Variants in SLC35A4 observed in about 807,000 individuals in gnomAD.
SLC35A4 encodes solute carrier family 35 member A4, also known as probable UDP-sugar transporter protein SLC35A4.
In SLC35A4, 9 loss-of-function variants were observed where a neutral mutation model predicts 18.8. The observed-to-expected ratio is 0.48, with a 90% CI of 0.29 to 0.83. SLC35A4 has a LOEUF of 0.83. SLC35A4 is among the 40% of genes least tolerant of loss of function. SLC35A4 has a pLI of 0.09. For synonymous variants in SLC35A4, 189 were observed against 191.9 expected (o/e 0.98, Z 0.13); for missense variants, 404 against 415.5 (o/e 0.97, Z 0.24).
At position 140,567,494 on chromosome 5, in the gene SLC35A4, T is replaced by C. The variant is rs1755219614; in HGVS notation, c.325T>C (p.Tyr109His). The C allele has an allele frequency of 1.9e-6, 3 of 1,614,062 alleles. No homozygotes were observed. The highest frequency in any genetic ancestry group is 2.5e-6 in the Non-Finnish European group (3 of 1,180,052). ...CAACCTGGTGATCTATCTTCAGCGT[T>C]ACATGGACCCCAGCACCTACCAGGT... is the stretch of plus-strand genomic sequence containing the variant. ...NNNLVIYLQRYMDPSTYQVLS... is the reference protein window; with the variant it reads ...NNNLVIYLQRHMDPSTYQVLS... Residue 109 changes from tyrosine to histidine, a missense_variant, in exon 3 of 3, where the codon TAC (tyrosine) becomes CAC (histidine). Physicochemically the swap from Tyr to His is moderately conservative, Grantham distance 83. Transcript: ENST00000323146.
At chr5:140,566,531 C>T in intron 2 of SLC35A4, 34 bp from the exon 3 acceptor site, 1 of 414,504 alleles carries the variant, frequency 2.4e-6, no homozygotes, top group Non-Finnish European at 4.2e-6. Flanking sequence ...AGGAAGGAGC[C>T]TAGCTAAGTT....
rs1755245563 is a variant in SLC35A4, at chr5:140,568,475, G to C, written c.*331G>C. On this transcript the variant is annotated 3_prime_UTR_variant, in exon 3 of 3. Transcript: ENST00000323146. Reference sequence around the variant, plus strand: ...GTTGGGCAGCTCCCTGCTTTGTCCTGCATGAACAGAGTTGATGAAAGTGGG... The same window carrying C: ...GTTGGGCAGCTCCCTGCTTTGTCCTCCATGAACAGAGTTGATGAAAGTGGG... 2.7e-6 allele frequency: 1 copy of C among 365,798 alleles called. No homozygotes were observed. The highest frequency in any genetic ancestry group is 2.1e-5 in the African/African-American group (1 of 47,356). 22.7% of individuals were successfully genotyped at this position (365,798 alleles called of 1,614,324 possible).
rs1755203221 is a variant in SLC35A4, at chr5:140,567,019, C to A, written c.-151C>A. 1 of 1,223,148 alleles carries A rather than the reference C, an allele frequency of 8.2e-7. No individual in the cohort carries two copies. The allele number at this position is 1,223,148 out of a possible 1,614,324, so 75.8% of individuals were successfully genotyped here. A position where few individuals can be genotyped will look rare whatever the true frequency, so the allele number is the denominator to read the frequency against. ...CAGCCCCTTACTCTTCAAGCCCTGA[C>A]TGTGGAGTTGGTAGATGCCTCTGAT... is the stretch of plus-strand genomic sequence containing the variant. On this transcript the variant is annotated 5_prime_UTR_variant, in exon 3 of 3. It adds an upstream start codon to the 5' untranslated region. Transcript: ENST00000323146.
Position 140,569,029 on chromosome 5 carries a change from C to G in SLC35A4, c.*885C>G, listed in dbSNP as rs1326311643. On this transcript the variant is annotated 3_prime_UTR_variant, in exon 3 of 3. Transcript: ENST00000323146. ...GAAACCTGTAGCTCAATCAGTGTCTCTTTAACTGCATAAGCAATAAGATCT... is the reference window on the plus strand; with the variant it reads ...GAAACCTGTAGCTCAATCAGTGTCTGTTTAACTGCATAAGCAATAAGATCT... The G allele has an allele frequency of 2.4e-5, 4 of 167,102 alleles. No homozygotes were observed. Among genetic ancestry groups the G allele is most frequent in the African/African-American group, 4.8e-5 (2 of 41,454 alleles). The allele number at this position is 167,102 out of a possible 1,614,324, so 10.4% of individuals were successfully genotyped here. A position where few individuals can be genotyped will look rare whatever the true frequency, so the allele number is the denominator to read the frequency against.
At chr5:140,565,728 C>G (rs1420564240) in intron 1 of SLC35A4, 145 bp from the exon 2 acceptor site, 1 of 393,254 alleles carries the variant, frequency 2.5e-6, no homozygotes, top group Admixed American at 4.4e-5. Flanking sequence ...GCTTGTCTTT[C>G]TTTGCCACTG....
chr5:140,566,807 G>A lies in SLC35A4; in HGVS notation c.-363G>A, dbSNP rs144815922. The A allele has an allele frequency of 6.7e-4, 406 of 602,186 alleles. 1 individual carries two copies. The African/African-American group carries it at 7.1e-3, about 11-fold the overall frequency. 37.3% of individuals were successfully genotyped at this position (602,186 alleles called of 1,614,324 possible). ...GGCAGGATGAGCAGCTCAGCCTTCA[G>A]GTGGAGACACTTTATCTGGATTCCC... On this transcript the variant is annotated 5_prime_UTR_variant, in exon 3 of 3. Coordinates refer to ENST00000323146, the MANE Select transcript of SLC35A4 (RefSeq NM_080670.4).
Position 140,567,211 on chromosome 5 carries a change from C to G in SLC35A4, c.42C>G (p.Pro14=). The G allele has an allele frequency of 6.2e-7, 1 of 1,614,170 alleles. No individual in the cohort carries two copies. ...EDGGMPGLGR[P]RQARWTLMLL... is the part of the protein sequence containing the mutation. ...GGGGTATGCCAGGCCTGGGCCGTCCCAGGCAGGCCCGCTGGACCCTGATGC... is the reference window on the plus strand; with the variant it reads ...GGGGTATGCCAGGCCTGGGCCGTCCGAGGCAGGCCCGCTGGACCCTGATGC... Residue 14 remains proline, a synonymous_variant, in exon 3 of 3, where the codon CCC becomes CCG. Coordinates refer to ENST00000323146, the MANE Select transcript of SLC35A4 (RefSeq NM_080670.4).
At position 140,567,602 on chromosome 5, in the gene SLC35A4, G is replaced by A; in HGVS notation, c.433G>A (p.Ala145Thr). The change falls in exon 3 of 3, where the codon GCG becomes ACG. Residue 145 changes from alanine (A) to threonine (T), a missense_variant. By Grantham distance (58) the Ala-to-Thr change is moderately conservative. Transcript: ENST00000323146. ...RHRLSVRQGL[A>T]LLLLMAAGAC... is the part of the protein sequence containing the mutation. Reference sequence around the variant, plus strand: ...CCGCCTCTCTGTGCGTCAGGGGTTAGCGCTGCTGCTGCTGATGGCTGCGGG... The same window carrying A: ...CCGCCTCTCTGTGCGTCAGGGGTTAACGCTGCTGCTGCTGATGGCTGCGGG... 1.2e-6 allele frequency: 2 copies of A among 1,614,256 alleles called. No homozygotes were observed. Among genetic ancestry groups the A allele is most frequent in the Non-Finnish European group, 1.7e-6 (2 of 1,180,044 alleles).
chr5:140,565,724 C>G (rs415854), intron 1 of SLC35A4, 149 bp from the exon 2 acceptor site: 1 of 392,386 alleles, frequency 2.5e-6, no homozygotes, highest in East Asian at 3.6e-5. Flanking sequence ...CAATGCTTGT[C>G]TTTCTTTGCC....
At position 140,567,339 on chromosome 5, in the gene SLC35A4, C is replaced by T. The variant is rs537085362; in HGVS notation, c.170C>T (p.Thr57Ile). Reference sequence around the variant, plus strand: ...CGGCCCTCCTCAGCCGTGCTGCTGACTGAGCTGACCAAGCTACTGTTATGC... The same window carrying T: ...CGGCCCTCCTCAGCCGTGCTGCTGATTGAGCTGACCAAGCTACTGTTATGC... ...PFRPSSAVLL[T>I]ELTKLLLCAF... The change falls in exon 3 of 3, where the codon ACT becomes ATT. Residue 57 changes from threonine (T) to isoleucine (I), a missense_variant. Transcript: ENST00000323146. 31 of 1,614,198 alleles carry T rather than the reference C, an allele frequency of 1.9e-5. No individual in the cohort carries two copies. In the East Asian group the frequency reaches 6.5e-4, roughly 34 times the overall value.
At chr5:140,565,142 C>A (rs554225259) in intron 1 of SLC35A4, 84 of 374,982 alleles carry the variant, frequency 2.2e-4, no homozygotes, top group African/African-American at 1.7e-3. Context: ...CCTCACTTTA[C>A]CCCATTCCCT....
rs896028057 is a variant in SLC35A4 at position 140,567,636 on chromosome 5, A to C, written c.467A>C (p.Tyr156Ser). ...CTGCTGATGGCTGCGGGAGCCTGCT[A>C]TGCAGCAGGGGGCCTTCAAGTTCCC... ...LLLLMAAGACYAAGGLQVPGN... is the reference protein window; with the variant it reads ...LLLLMAAGACSAAGGLQVPGN... Residue 156 changes from tyrosine (Y) to serine (S), a missense_variant, in exon 3 of 3, where the codon TAT becomes TCT. By Grantham distance (144) the Tyr-to-Ser change is moderately radical. Coordinates refer to ENST00000323146, the MANE Select transcript of SLC35A4 (RefSeq NM_080670.4). The C allele has an allele frequency of 2.5e-6, 4 of 1,614,028 alleles. No individual in the cohort carries two copies. Among genetic ancestry groups the C allele is most frequent in the Admixed American group, 1.7e-5 (1 of 60,006 alleles).
chr5:140,567,078 TCTC>T lies in SLC35A4; in HGVS notation c.-89_-87del, dbSNP rs919796699. 1.3e-6 allele frequency: 2 copies of T among 1,584,020 alleles called. No homozygotes were observed. The highest frequency in any genetic ancestry group is 2.7e-5 in the African/African-American group (2 of 74,560). On this transcript the variant is annotated 5_prime_UTR_variant, in exon 3 of 3. Transcript: ENST00000323146. ...TTCTCTCTGGCAATGTTCCACGGCT[TCTC>T]CTTCCTGGGAGCTGGCTCCATAACT...
At chr5:140,565,701 AT>A (rs1755169718) in intron 1 of SLC35A4, 171 bp from the exon 2 acceptor site, 1 of 385,926 alleles carries the variant, frequency 2.6e-6, no homozygotes, top group Non-Finnish European at 4.6e-6. Flanking sequence ...CCTCATTTGA[AT>A]TCTGTGCTTT....
Position 140,567,343 on chromosome 5 carries a change from G to C in SLC35A4, c.174G>C (p.Glu58Asp). ...FRPSSAVLLT[E>D]LTKLLLCAFS... ...CCTCCTCAGCCGTGCTGCTGACTGAGCTGACCAAGCTACTGTTATGCGCCT... is the reference window on the plus strand; with the variant it reads ...CCTCCTCAGCCGTGCTGCTGACTGACCTGACCAAGCTACTGTTATGCGCCT... Residue 58 changes from glutamate to aspartate, a missense_variant, in exon 3 of 3, where the codon GAG becomes GAC. Glu to Asp is a conservative substitution (Grantham distance 45). Transcript: ENST00000323146. 6.2e-7 allele frequency: 1 copy of C among 1,614,164 alleles called. No homozygotes were observed. Among genetic ancestry groups the C allele is most frequent in the Non-Finnish European group, 8.5e-7 (1 of 1,179,996 alleles).
rs903376259 is a variant in SLC35A4 at position 140,567,229 on chromosome 5, C to T, written c.60C>T (p.Thr20=). 1.2e-6 allele frequency: 2 copies of T among 1,614,194 alleles called. No homozygotes were observed. The highest frequency in any genetic ancestry group is 1.7e-6 in the Non-Finnish European group (2 of 1,180,014). ...GLGRPRQARW[T]LMLLLSTAMY... ...GCCGTCCCAGGCAGGCCCGCTGGAC[C>T]CTGATGCTACTCCTATCCACTGCCA... The change falls in exon 3 of 3, where the codon ACC becomes ACT. Residue 20 remains threonine, a synonymous_variant. Coordinates refer to ENST00000323146, the MANE Select transcript of SLC35A4 (RefSeq NM_080670.4).
chr5:140,566,379 A>G (rs1755189107), intron 2 of SLC35A4, among the ~76,000 whole-genome samples, 186 bp from the exon 3 acceptor site: 1 of 152,014 alleles, frequency 6.6e-6, no homozygotes, highest in South Asian at 2.1e-4. Flanking sequence ...GGGTTCTGAG[A>G]TTGTGTGATC....
chr5:140,567,870 G>T lies in SLC35A4; in HGVS notation c.701G>T (p.Gly234Val), dbSNP rs751751075. The change falls in exon 3 of 3, where the codon GGT (glycine) becomes GTT (valine). Residue 234 changes from glycine (G) to valine (V), a missense_variant. Coordinates refer to ENST00000323146, the MANE Select transcript of SLC35A4 (RefSeq NM_080670.4). ...LYTFGVLLNLGLHAGGGSGPG... is the reference protein window; with the variant it reads ...LYTFGVLLNLVLHAGGGSGPG... ...ACTTTTGGTGTGCTTCTGAATCTAG[G>T]TCTGCATGCTGGCGGCGGCTCTGGC... 4 of 1,614,096 alleles carry T rather than the reference G, an allele frequency of 2.5e-6. No homozygotes were observed. Among genetic ancestry groups the T allele is most frequent in the Non-Finnish European group, 3.4e-6 (4 of 1,180,050 alleles).
chr5:140,567,021 G>A lies in SLC35A4; in HGVS notation c.-149G>A, dbSNP rs771508256. On this transcript the variant is annotated 5_prime_UTR_variant, in exon 3 of 3. The change creates a new upstream start codon in the 5' untranslated region. Coordinates refer to ENST00000323146, the MANE Select transcript of SLC35A4 (RefSeq NM_080670.4). ...GCCCCTTACTCTTCAAGCCCTGACT[G>A]TGGAGTTGGTAGATGCCTCTGATCC... 6 of 1,239,600 alleles carry A rather than the reference G, an allele frequency of 4.8e-6. No individual in the cohort carries two copies. In the African/African-American group the frequency reaches 7.4e-5, roughly 15 times the overall value. 76.8% of individuals were successfully genotyped at this position (1,239,600 alleles called of 1,614,324 possible).
Sources: allele counts gnomAD v4.1 joint callset (sites outside exome capture counted in the v4.1 genomes callset), GRCh38; gene constraint gnomAD v4.1.1; transcripts MANE v1.5; gene names NCBI Gene and HGNC (gene_info 2026-07-23, HGNC 2026-07-21).